SERINC3: variants seen among roughly 807,000 people sequenced by gnomAD.
The protein encoded by SERINC3 is tumor differentially expressed protein 1.
A neutral mutation model predicts 52.1 loss-of-function variants in SERINC3; 22 were observed. The ratio of observed to expected loss-of-function variants is 0.42; its 90% CI spans 0.30 to 0.60. The LOEUF is 0.60. Among genes scored for constraint, SERINC3 ranks in the 20% least tolerant of loss-of-function variants. The pLI, the probability that SERINC3 is intolerant of heterozygous loss-of-function variation, is 0.16. For missense variants in SERINC3, 564 were observed against 584.6 expected (o/e 0.96, Z 0.36); for synonymous variants, 226 against 212.7 (o/e 1.06, Z -0.54).
Position 44,507,403 on chromosome 20 carries a change from A to T in SERINC3, c.614-407T>A, listed in dbSNP as rs565919289. On this transcript the variant is annotated intron_variant, in intron 5 of 9. Coordinates refer to ENST00000342374, the MANE Select transcript of SERINC3 (RefSeq NM_006811.4). ...TGCCAGGATGGTGTTAGAGGAAAAC[A>T]GAATACACACACTGGTATCTTTTTA... Among the ~76,000 whole-genome samples the T allele has an allele frequency of 2.0e-5, 3 of 152,342 alleles. No individual in the cohort carries two copies. The South Asian group carries it at 6.2e-4, about 32-fold the overall frequency.
At chr20:44,510,109 T>A (rs1044077675) in intron 4 of SERINC3, 81 bp from the exon 5 acceptor site, 1 of 1,373,180 alleles carries the variant, frequency 7.3e-7, no homozygotes, top group East Asian at 2.3e-5. Flanking sequence ...CGGATTTCAA[T>A]TAAAACAAGA....
chr20:44,519,133 G>A (rs1208153584), intron 1 of SERINC3, among the ~76,000 whole-genome samples: 2 of 152,154 alleles, frequency 1.3e-5, no homozygotes, highest in African/African-American at 4.8e-5. Context: ...GCTGGAGGAA[G>A]ATTCTTCCCA....
chr20:44,506,956 G>C lies in SERINC3; in HGVS notation c.654C>G (p.Ile218Met), dbSNP rs2064318677. ...SFTSAFYILSIICVGLLYTYY... is the reference protein window; with the variant it reads ...SFTSAFYILSMICVGLLYTYY... The stretch of plus-strand genomic sequence containing the variant: ...ATGTATAGAGCAGCCCGACACAGAT[G>C]ATTGACAGGATATAAAAGGCGCTTG... Residue 218 changes from isoleucine to methionine, a missense_variant, in exon 6 of 10, where the codon ATC (isoleucine) becomes ATG (methionine). By Grantham distance (10) the Ile-to-Met change is conservative. Coordinates refer to ENST00000342374, the MANE Select transcript of SERINC3 (RefSeq NM_006811.4). 3.7e-6 allele frequency: 6 copies of C among 1,607,578 alleles called. No homozygotes were observed. Among genetic ancestry groups the C allele is most frequent in the Non-Finnish European group, 5.1e-6 (6 of 1,177,876 alleles).
rs1384984148 is a variant in SERINC3, at chr20:44,504,847, G to A, written c.828C>T (p.Thr276=). Residue 276 remains threonine, a synonymous_variant, in exon 7 of 10, where the codon ACC becomes ACT. Transcript: ENST00000342374. ...RSGLLQSSLI[T]LYTMYLTWSA... ...ACCAGGTGAGGTACATAGTGTAGAG[G>A]GTGATGAGGGAGGACTGCAAGAGGC... is the stretch of plus-strand genomic sequence containing the variant. 2.5e-6 allele frequency: 4 copies of A among 1,613,414 alleles called. No individual in the cohort carries two copies. The highest frequency in any genetic ancestry group is 2.2e-5 in the East Asian group (1 of 44,892).
chr20:44,510,239 G>A (rs1332097789), intron 4 of SERINC3, among the ~76,000 whole-genome samples: 2 of 152,130 alleles, frequency 1.3e-5, no homozygotes, highest in Admixed American at 6.5e-5. Context: ...TTGTGCCAAG[G>A]GAAGCCTGGG....
rs202146956 is a variant in SERINC3 at position 44,512,897 on chromosome 20, C to T, written c.299G>A (p.Arg100Gln). Residue 100 changes from arginine to glutamine, a missense_variant, in exon 3 of 10, where the codon CGG (arginine) becomes CAG (glutamine). Coordinates refer to ENST00000342374, the MANE Select transcript of SERINC3 (RefSeq NM_006811.4). The part of the protein sequence containing the change: ...DVLVGYKAVY[R>Q]ISFAMAIFFF... ...AAAGATGGCCATGGCAAAGCTGATC[C>T]GATACACAGCTTTATAACCAACCAG... The T allele has an allele frequency of 8.3e-6, 13 of 1,574,064 alleles. No homozygotes were observed. The highest frequency in any genetic ancestry group is 4.0e-5 in the Admixed American group (2 of 49,848).
At chr20:44,500,528 C>T in intron 9 of SERINC3, 94 bp from the exon 10 acceptor site, 1 of 1,443,090 alleles carries the variant, frequency 6.9e-7, no homozygotes, top group Non-Finnish European at 9.5e-7. Flanking sequence ...AGAAATTCTC[C>T]AGTGAAACTT....
intron 1 of SERINC3, among the ~76,000 whole-genome samples, chr20:44,519,007 C>T (rs938745759): frequency 6.6e-6 from 1 of 151,788 alleles, no homozygotes; most frequent in African/African-American, 2.4e-5. Context: ...TTCTAACCGC[C>T]CCCTTTGAGT....
intron 6 of SERINC3, 36 bp downstream of exon 6, chr20:44,506,791 C>A: frequency 7.0e-7 from 1 of 1,437,536 alleles, no homozygotes; most frequent in South Asian, 1.5e-5. Flanking sequence ...GAATTAAAAA[C>A]CTTTCACAGG....
At chr20:44,516,092 A>AG (rs2064378847) in intron 1 of SERINC3, among the ~76,000 whole-genome samples, 1 of 152,018 alleles carries the variant, frequency 6.6e-6, no homozygotes, top group South Asian at 2.1e-4. Context: ...CCACAAGGTC[A>AG]GGAGTTCAAG....
Position 44,498,829 on chromosome 20 carries a change from C to T in SERINC3, c.*1467G>A, listed in dbSNP as rs979154274. The T allele has an allele frequency of 3.3e-5, 5 of 152,110 alleles. No homozygotes were observed. The highest frequency in any genetic ancestry group is 7.4e-5 in the Non-Finnish European group (5 of 68,010). The allele number at this position is 152,110 out of a possible 1,614,324, so 9.4% of individuals were successfully genotyped here. Reference sequence around the variant, plus strand: ...AAACTCTTTACTGAGGTTGATAAAGCCCTTTAAAATTCAGTCCCTGACTAC... The same window carrying T: ...AAACTCTTTACTGAGGTTGATAAAGTCCTTTAAAATTCAGTCCCTGACTAC... On this transcript the variant is annotated 3_prime_UTR_variant, in exon 10 of 10. Transcript: ENST00000342374.
In SERINC3 at chr20:44,509,927, G is replaced by C. The variant is rs754666404; in HGVS notation, c.577C>G (p.Arg193Gly). 1.2e-6 allele frequency: 2 copies of C among 1,614,058 alleles called. No homozygotes were observed. The highest frequency in any genetic ancestry group is 1.7e-6 in the Non-Finnish European group (2 of 1,179,984). Reference sequence around the variant, plus strand: ...AACCTTGGGTTTCCTTCTTCCATTCGATTTACCCATGATTCATTCCAAGAA... The same window carrying C: ...AACCTTGGGTTTCCTTCTTCCATTCCATTTACCCATGATTCATTCCAAGAA... ...AHSWNESWVN[R>G]MEEGNPRLWY... The change falls in exon 5 of 10, where the codon CGA becomes GGA. Residue 193 changes from arginine to glycine, a missense_variant. Transcript: ENST00000342374.
In SERINC3 at chr20:44,498,485, A is replaced by C. The variant is rs550020525; in HGVS notation, c.*1811T>G. 1 of 152,246 alleles carries C rather than the reference A, an allele frequency of 6.6e-6. No individual in the cohort carries two copies. The highest frequency in any genetic ancestry group is 2.4e-5 in the African/African-American group (1 of 41,504). The allele number at this position is 152,246 out of a possible 1,614,324, so 9.4% of individuals were successfully genotyped here. ...CAGCTACTAGGGAGGCTGAGGCGGG[A>C]GAATGGCGTGAACCCGGGAGGCGGA... On this transcript the variant is annotated 3_prime_UTR_variant, in exon 10 of 10. Coordinates refer to ENST00000342374, the MANE Select transcript of SERINC3 (RefSeq NM_006811.4).
rs370455736 is a variant in SERINC3, at chr20:44,509,907, T to C, written c.597A>G (p.Pro199=). ...GATACCTACCAGCATACCACAACCT[T>C]GGGTTTCCTTCTTCCATTCGATTTA... ...SWVNRMEEGN[P]RLWYAALLSF... is the part of the protein sequence containing the mutation. The change falls in exon 5 of 10, where the codon CCA becomes CCG. Residue 199 remains proline, a synonymous_variant. Transcript: ENST00000342374. 6 of 1,614,170 alleles carry C rather than the reference T, an allele frequency of 3.7e-6. No homozygotes were observed. The highest frequency in any genetic ancestry group is 4.2e-6 in the Non-Finnish European group (5 of 1,180,032).
chr20:44,517,858 A>T (rs1600819959), intron 1 of SERINC3, among the ~76,000 whole-genome samples: 1 of 152,356 alleles, frequency 6.6e-6, no homozygotes, highest in Non-Finnish European at 1.5e-5. Flanking sequence ...TTTACAGAGC[A>T]GGTACTCAGT....
chr20:44,518,615 A>G (rs929697104), intron 1 of SERINC3, among the ~76,000 whole-genome samples: 1 of 152,176 alleles, frequency 6.6e-6, no homozygotes, highest in Non-Finnish European at 1.5e-5. Context: ...TTCCTAAAGA[A>G]ACCTATTTGT....
At chr20:44,502,654 C>T (rs2064287418) in intron 8 of SERINC3, among the ~76,000 whole-genome samples, 1 of 151,988 alleles carries the variant, frequency 6.6e-6, no homozygotes, top group Non-Finnish European at 1.5e-5. Flanking sequence ...ACTCTGTCAC[C>T]CAGGTGGACT....
downstream of SERINC3, among the ~76,000 whole-genome samples, chr20:44,496,862 A>C (rs1278564530): frequency 1.3e-5 from 2 of 152,224 alleles, no homozygotes; most frequent in Admixed American, 6.5e-5. Context: ...CTAGCCAAAA[A>C]GAAAAAGAAC....
Position 44,500,412 on chromosome 20 carries a change from T to C in SERINC3, c.1306A>G (p.Met436Val), listed in dbSNP as rs762846238. 6.3e-7 allele frequency: 1 copy of C among 1,576,028 alleles called. No homozygotes were observed. ...CACACAGCTGGCCACTTGCTGGTCA[T>C]GCTCTGAAACTTTGCATCAGGGCTA... ...WYSPDAKFQS[M>V]TSKWPAVWVK... The change falls in exon 10 of 10, where the codon ATG becomes GTG. Residue 436 changes from methionine to valine, a missense_variant. Met to Val is a conservative substitution (Grantham distance 21). Transcript: ENST00000342374.
Sources: allele counts gnomAD v4.1 joint callset (sites outside exome capture counted in the v4.1 genomes callset), GRCh38; gene constraint gnomAD v4.1.1; transcripts MANE v1.5; gene names NCBI Gene and HGNC (gene_info 2026-07-23, HGNC 2026-07-21).